PDZRN4: variants seen among roughly 807,000 people sequenced by gnomAD.
PDZRN4 encodes PDZ domain containing ring finger 4.
In PDZRN4, 70 loss-of-function variants were observed where a neutral mutation model predicts 99.0. That is an observed-to-expected ratio of 0.71 (90% CI 0.58 to 0.86). The LOEUF (loss-of-function observed/expected upper bound fraction) is 0.86. PDZRN4 is among the 40% of genes least tolerant of loss of function. PDZRN4 has a pLI of 0.00. For missense variants in PDZRN4, 1,474 were observed against 1,331.2 expected (o/e 1.11, Z -1.67); for synonymous variants, 551 against 501.6 (o/e 1.10, Z -1.32).
At chr12:41,194,905 T>G (rs1950761591) in intron 3 of PDZRN4, among the ~76,000 whole-genome samples, 1 of 152,206 alleles carries the variant, frequency 6.6e-6, no homozygotes, top group Non-Finnish European at 1.5e-5. Flanking sequence ...AATTAATATT[T>G]TATATGTAGA....
intron 3 of PDZRN4, among the ~76,000 whole-genome samples, chr12:41,330,638 C>T (rs1301593852): frequency 6.6e-6 from 1 of 151,912 alleles, no homozygotes; most frequent in Non-Finnish European, 1.5e-5. Context: ...ATTTTAGTTA[C>T]TATTCCTACT....
At chr12:41,213,065 C>T (rs1950898123) in intron 3 of PDZRN4, among the ~76,000 whole-genome samples, 1 of 152,032 alleles carries the variant, frequency 6.6e-6, no homozygotes, top group South Asian at 2.1e-4. Context: ...ATTACTAATA[C>T]TCCTAGTTAT....
chr12:41,548,142 TGG>T (rs1938989622), intron 5 of PDZRN4, among the ~76,000 whole-genome samples: 3 of 152,194 alleles, frequency 2.0e-5, no homozygotes, highest in African/African-American at 4.8e-5. Context: ...AATTTGGAGT[TGG>T]AGGGTGCAAA....
chr12:41,465,383 A>T (rs953502509), intron 3 of PDZRN4, among the ~76,000 whole-genome samples: 1 of 152,204 alleles, frequency 6.6e-6, no homozygotes, highest in Non-Finnish European at 1.5e-5. Context: ...TCACACATCT[A>T]ACAACTGAGG....
chr12:41,374,942 C>T (rs572776516), intron 3 of PDZRN4, among the ~76,000 whole-genome samples: 2 of 152,214 alleles, frequency 1.3e-5, no homozygotes, highest in East Asian at 1.9e-4. Context: ...TATAAAAAGA[C>T]ATTTGTTTTC....
chr12:41,328,301 A>G (rs1010643011), intron 3 of PDZRN4, among the ~76,000 whole-genome samples: 1 of 152,164 alleles, frequency 6.6e-6, no homozygotes, highest in Non-Finnish European at 1.5e-5. Flanking sequence ...TACTGTGTAT[A>G]TAATACTGAA....
At chr12:41,402,035 G>A (rs1952292303) in intron 3 of PDZRN4, among the ~76,000 whole-genome samples, 1 of 139,728 alleles carries the variant, frequency 7.2e-6, no homozygotes, top group Admixed American at 7.7e-5. Flanking sequence ...CACCACACTT[G>A]TAACTTCTTC....
intron 9 of PDZRN4, among the ~76,000 whole-genome samples, chr12:41,569,091 C>T (rs1036053017): frequency 6.7e-6 from 1 of 149,240 alleles, no homozygotes; most frequent in Non-Finnish European, 1.5e-5. Context: ...CATGAGCCAC[C>T]GTGCCCTGTC....
At chr12:41,455,834 G>A (rs1468734783) in intron 3 of PDZRN4, among the ~76,000 whole-genome samples, 1 of 152,098 alleles carries the variant, frequency 6.6e-6, no homozygotes, top group African/African-American at 2.4e-5. Context: ...ATAGAAATTT[G>A]TTCTTTCCCA....
At position 41,509,838 on chromosome 12, in the gene PDZRN4, T is replaced by C. The variant is rs903065093; in HGVS notation, c.1128T>C (p.His376=). Residue 376 remains histidine (H), a synonymous_variant, in exon 5 of 10, where the codon CAT becomes CAC. Coordinates refer to ENST00000402685, the MANE Select transcript of PDZRN4 (RefSeq NM_001164595.2). ...DSCHSLHPME[H]EFYEDNEYIS... is the part of the protein sequence containing the mutation. ...GCCATTCTCTACATCCAATGGAGCA[T>C]GAATTTTATGAGGACAATGAGTATA... 2.5e-6 allele frequency: 4 copies of C among 1,595,898 alleles called. No homozygotes were observed. In the African/African-American group the frequency reaches 4.0e-5, roughly 16 times the overall value.
chr12:41,341,917 T>G (rs10880044), intron 3 of PDZRN4, among the ~76,000 whole-genome samples: 58,531 of 151,534 alleles, frequency 0.39, 11,384 homozygotes, highest in South Asian at 0.41. Flanking sequence ...AAATTAAAAA[T>G]CTGAAGGTAT....
chr12:41,212,454 A>G (rs1199054582), intron 3 of PDZRN4, among the ~76,000 whole-genome samples: 3 of 151,890 alleles, frequency 2.0e-5, no homozygotes, highest in Non-Finnish European at 2.9e-5. Flanking sequence ...GCCCCATCTT[A>G]TTTTTCATGT....
intron 5 of PDZRN4, among the ~76,000 whole-genome samples, chr12:41,526,428 A>G (rs1938568562): frequency 1.3e-5 from 2 of 152,200 alleles, no homozygotes; most frequent in African/African-American, 4.8e-5. Context: ...AGGCTTTAAC[A>G]TAATCCCTTC....
intron 5 of PDZRN4, among the ~76,000 whole-genome samples, chr12:41,540,429 G>A (rs1398638054): frequency 6.6e-6 from 1 of 152,020 alleles, no homozygotes. Context: ...TAATATAAAA[G>A]GATTTCTTTC....
chr12:41,473,863 A>G (rs1420197997), intron 3 of PDZRN4, among the ~76,000 whole-genome samples: 1 of 152,232 alleles, frequency 6.6e-6, no homozygotes, highest in African/African-American at 2.4e-5. Flanking sequence ...GAAAGCAACC[A>G]AAATACTTAG....
intron 3 of PDZRN4, among the ~76,000 whole-genome samples, chr12:41,423,305 C>T (rs1192713249): frequency 6.6e-6 from 1 of 151,936 alleles, no homozygotes; most frequent in African/African-American, 2.4e-5. Flanking sequence ...AGTCCCCCAT[C>T]CCCTGACAGG....
At chr12:41,250,098 C>T (rs756758588) in intron 3 of PDZRN4, among the ~76,000 whole-genome samples, 1 of 152,128 alleles carries the variant, frequency 6.6e-6, no homozygotes, top group African/African-American at 2.4e-5. Flanking sequence ...TACTTGTTTG[C>T]TCTTGACTTA....
chr12:41,253,546 G>T (rs1951185366), intron 3 of PDZRN4, among the ~76,000 whole-genome samples: 1 of 152,124 alleles, frequency 6.6e-6, no homozygotes, highest in Non-Finnish European at 1.5e-5. Context: ...TACTGGGAAT[G>T]TAAATTAGTA....
At chr12:41,401,184 A>T (rs933188452) in intron 3 of PDZRN4, among the ~76,000 whole-genome samples, 34 of 152,122 alleles carry the variant, frequency 2.2e-4, no homozygotes, top group African/African-American at 5.3e-4. Context: ...TAAGTAAGTT[A>T]AAAATACCCA....
Sources: gnomAD v4.1 joint callset for allele counts (sites outside exome capture counted in the v4.1 genomes callset) on GRCh38, gnomAD v4.1.1 for gene constraint, MANE v1.5 for transcripts, NCBI Gene and HGNC (gene_info 2026-07-23, HGNC 2026-07-21) for gene names.